Variants in DNAH3 observed in about 807,000 individuals in gnomAD.
DNAH3 encodes axonemal beta dynein heavy chain 3.
Under a neutral mutation model 432.5 loss-of-function variants are expected in DNAH3, and 332 were observed. The observed-to-expected ratio is 0.77, with a 90% CI of 0.70 to 0.84. The LOEUF is 0.84. DNAH3 is among the 40% of genes least tolerant of loss of function. The pLI is 0.00. For synonymous variants in DNAH3, 1,956 were observed against 1,900.2 expected (o/e 1.03, Z -0.76); for missense variants, 4,861 against 5,114.0 (o/e 0.95, Z 1.51).
At chr16:21,096,707 T>G (rs992787107) in intron 18 of DNAH3, among the ~76,000 whole-genome samples, 2 of 152,166 alleles carry the variant, frequency 1.3e-5, no homozygotes, top group Non-Finnish European at 2.9e-5. Flanking sequence ...ACTTCTCTTT[T>G]TCAGTGATGG....
intron 3 of DNAH3, 148 bp from the exon 5 acceptor site, chr16:21,141,520 A>G: frequency 1.7e-6 from 1 of 605,000 alleles, no homozygotes; most frequent in Non-Finnish European, 2.9e-6. Flanking sequence ...ATGTGGGCTC[A>G]GGTCTCATGT....
exon 30 of DNAH3, chr16:21,050,000 C>G: frequency 6.2e-7 from 1 of 1,614,108 alleles, no homozygotes. Context: ...GGTTCAGCTT[C>G]AAAGCTCCCA....
intron 24 of DNAH3, among the ~76,000 whole-genome samples, chr16:21,066,351 T>C (rs972222561): frequency 6.6e-6 from 1 of 152,018 alleles, no homozygotes; most frequent in South Asian, 2.1e-4. Context: ...AGAATTCACC[T>C]TTCCGAAACT....
chr16:20,985,402 GAC>G lies in DNAH3; in HGVS notation c.7338_7339del (p.Ser2447HisfsTer12). On this transcript the variant is annotated frameshift_variant, in exon 48 of 62. Coordinates refer to ENST00000261383, the Ensembl canonical transcript of DNAH3. LOFTEE classifies it high-confidence loss of function. ...TAGCTCGTATGCGTTCATGAATGTG[GAC>G]AGTTTGGCGGCACTTTGCCGCCCGC... The G allele has an allele frequency of 6.2e-7, 1 of 1,614,164 alleles. No individual in the cohort carries two copies.
In DNAH3 at chr16:21,140,721, GAC is replaced by G; in HGVS notation, c.522-13_522-12del. On this transcript the variant is annotated splice_polypyrimidine_tract_variant and intron_variant, in intron 4 of 61. Transcript: ENST00000261383. Reference sequence around the variant, plus strand: ...AAGGCCAACTTGATCCTGAAAAGTAGACACAGCTCAGCCCTTGGTGTTTGGTT... The same window carrying G: ...AAGGCCAACTTGATCCTGAAAAGTAGACAGCTCAGCCCTTGGTGTTTGGTT... 6.2e-7 allele frequency: 1 copy of G among 1,613,608 alleles called. No homozygotes were observed. The highest frequency in any genetic ancestry group is 2.2e-5 in the East Asian group (1 of 44,856).
At chr16:20,951,968 C>T (rs913883705) in intron 56 of DNAH3, among the ~76,000 whole-genome samples, 1 of 151,152 alleles carries the variant, frequency 6.6e-6, no homozygotes, top group African/African-American at 2.4e-5. Flanking sequence ...TGGTCTCGAT[C>T]TCCTGACCTC....
chr16:21,019,955 G>GAGAC (rs2088074687), intron 40 of DNAH3, 86 bp from the exon 41 acceptor site: 8 of 1,521,934 alleles, frequency 5.3e-6, no homozygotes, highest in Non-Finnish European at 7.1e-6. Context: ...TGCCTTTGAA[G>GAGAC]GGTCTGGGCC....
At chr16:21,004,034 A>G (rs993178600) in intron 41 of DNAH3, among the ~76,000 whole-genome samples, 1 of 152,190 alleles carries the variant, frequency 6.6e-6, no homozygotes, top group Admixed American at 6.5e-5. Flanking sequence ...AGAAAAGGAG[A>G]TTGAAGTGAA....
intron 19 of DNAH3, among the ~76,000 whole-genome samples, chr16:21,084,900 T>C (rs1200446396): frequency 1.3e-5 from 2 of 152,120 alleles, no homozygotes; most frequent in Non-Finnish European, 2.9e-5. Flanking sequence ...CTCTTGATAG[T>C]GCCATCTCAT....
chr16:21,075,396 A>G, intron 21 of DNAH3, 51 bp downstream of exon 21: 1 of 1,236,944 alleles, frequency 8.1e-7, no homozygotes, highest in Non-Finnish European at 1.2e-6. Flanking sequence ...AATCTATTGC[A>G]TAATAAATGG....
In DNAH3 at chr16:20,963,380, C is replaced by T. The variant is rs200676672; in HGVS notation, c.10504G>A (p.Glu3502Lys). 1.8e-5 allele frequency: 29 copies of T among 1,614,126 alleles called. No individual in the cohort carries two copies. The highest frequency in any genetic ancestry group is 1.3e-4 in the East Asian group (6 of 44,862). Residue 3502 changes from glutamate (E) to lysine (K), a missense_variant, in exon 53 of 62, where the codon GAA becomes AAA. Coordinates refer to ENST00000261383, the Ensembl canonical transcript of DNAH3. Reference sequence around the variant, plus strand: ...CCCTGGAGATCGAACGTAGGGGCTTCGATATACAGCTTTCCCATATGTTCA... The same window carrying T: ...CCCTGGAGATCGAACGTAGGGGCTTTGATATACAGCTTTCCCATATGTTCA...
At chr16:20,984,925 C>G (rs2086114618) in intron 48 of DNAH3, 124 bp downstream of exon 48, 1 of 855,920 alleles carries the variant, frequency 1.2e-6, no homozygotes, top group African/African-American at 1.7e-5. Flanking sequence ...GGGCCCTGAC[C>G]CCGAGCTGGT....
chr16:21,061,231 CTTT>C (rs11383667), intron 25 of DNAH3, among the ~76,000 whole-genome samples: 59 of 102,796 alleles, frequency 5.7e-4, no homozygotes, highest in East Asian at 1.3e-3. Context: ...GGCGATAGGC[CTTT>C]TTTTTTTTTT....
At chr16:21,145,704 T>C (rs1301001937) in intron 2 of DNAH3, among the ~76,000 whole-genome samples, 1 of 152,236 alleles carries the variant, frequency 6.6e-6, no homozygotes, top group Non-Finnish European at 1.5e-5. Flanking sequence ...GCAATTACCC[T>C]CATTTTACAA....
At chr16:20,985,347 T>G in exon 48 of DNAH3, 1 of 1,614,206 alleles carries the variant, frequency 6.2e-7, no homozygotes, top group Non-Finnish European at 8.5e-7. Flanking sequence ...AGTCATTGCC[T>G]GCGTAGTTCT....
At chr16:21,070,558 C>G (rs2090744755) in intron 22 of DNAH3, 152 bp downstream of exon 22, 1 of 558,598 alleles carries the variant, frequency 1.8e-6, no homozygotes, top group South Asian at 2.0e-5. Flanking sequence ...ACTGGGGTTA[C>G]AGGTGTGAGC....
chr16:21,086,738 C>T, intron 19 of DNAH3, 111 bp downstream of exon 19: 1 of 947,268 alleles, frequency 1.1e-6, no homozygotes, highest in South Asian at 1.5e-5. Context: ...TAAATAGAGT[C>T]TCCTTTCGGA....
intron 37 of DNAH3, 25 bp from the exon 38 acceptor site, chr16:21,027,152 C>A: frequency 6.4e-7 from 1 of 1,558,614 alleles, no homozygotes; most frequent in South Asian, 1.1e-5. Context: ...CAGAGGGTAG[C>A]AGACAGGGGA....
At chr16:21,112,250 A>C in intron 12 of DNAH3, 152 bp from the exon 13 acceptor site, 1 of 609,996 alleles carries the variant, frequency 1.6e-6, no homozygotes, top group Non-Finnish European at 2.9e-6. Context: ...TTCATTAAAC[A>C]GAGAACTCAG....
Sources: allele counts gnomAD v4.1 joint callset (sites outside exome capture counted in the v4.1 genomes callset), GRCh38; gene constraint gnomAD v4.1.1; transcripts MANE v1.5; gene names NCBI Gene and HGNC (gene_info 2026-07-23, HGNC 2026-07-21).